The following TOP2B variants were observed in gnomAD, a reference collection of about 807,000 sequenced individuals.
TOP2B encodes the protein DNA topoisomerase II beta.
Under a neutral mutation model 193.5 loss-of-function variants are expected in TOP2B, and 51 were observed. The observed-to-expected ratio is 0.26, with a 90% CI of 0.21 to 0.33. TOP2B has a LOEUF of 0.33. TOP2B is among the 10% of genes least tolerant of loss of function. TOP2B has a pLI of 1.00. For synonymous variants in TOP2B, 634 were observed against 635.7 expected (o/e 1.00, Z 0.04); for missense variants, 1,378 against 1,909.3 (o/e 0.72, Z 5.19).
At chr3:25,653,866 T>C (rs1053215243) in intron 1 of TOP2B, among the ~76,000 whole-genome samples, 1 of 152,198 alleles carries the variant, frequency 6.6e-6, no homozygotes, top group Non-Finnish European at 1.5e-5. Flanking sequence ...CACATTATCA[T>C]CTCAATTGAT....
At chr3:25,653,340 C>T (rs1703649108) in intron 1 of TOP2B, among the ~76,000 whole-genome samples, 2 of 151,982 alleles carry the variant, frequency 1.3e-5, no homozygotes, top group Admixed American at 6.6e-5. Context: ...GAACAATACC[C>T]GTGATAAAGA....
At chr3:25,628,250 T>C (rs1162519068) in intron 15 of TOP2B, among the ~76,000 whole-genome samples, 1 of 146,642 alleles carries the variant, frequency 6.8e-6, no homozygotes, top group Middle Eastern at 3.5e-3. Flanking sequence ...CCAAGGTGGG[T>C]GGATGGCTTG....
chr3:25,630,152 G>T lies in TOP2B; in HGVS notation c.1566C>A (p.Ile522=). The T allele has an allele frequency of 6.5e-7, 1 of 1,544,130 alleles. No individual in the cohort carries two copies. The highest frequency in any genetic ancestry group is 1.2e-5 in the South Asian group (1 of 81,756). ...LNVREASHKQ[I]MENAEINNII... ...TATTATTTATTTCAGCATTTTCCAT[G>T]ATCTGTTCAAAAAGGAAAAGCACTG... Residue 522 remains isoleucine, a splice_region_variant and synonymous_variant, in exon 13 of 36, where the codon ATC becomes ATA. Coordinates refer to ENST00000264331, the MANE Select transcript of TOP2B (RefSeq NM_001330700.2).
intron 15 of TOP2B, among the ~76,000 whole-genome samples, chr3:25,628,150 G>A (rs902001178): frequency 1.3e-5 from 2 of 149,140 alleles, no homozygotes. Context: ...TTTTAACACT[G>A]GCTGGGTATT....
At chr3:25,647,444 A>G (rs1441657941) in intron 1 of TOP2B, among the ~76,000 whole-genome samples, 2 of 152,192 alleles carry the variant, frequency 1.3e-5, no homozygotes, top group Non-Finnish European at 2.9e-5. Flanking sequence ...AATTATTGAC[A>G]TAAAGGTTGA....
At chr3:25,603,635 T>C (rs1354478219) in intron 33 of TOP2B, among the ~76,000 whole-genome samples, 1 of 152,158 alleles carries the variant, frequency 6.6e-6, no homozygotes, top group Admixed American at 6.5e-5. Flanking sequence ...GAGTATGGAT[T>C]CAAGTATAAG....
chr3:25,619,771 A>T, intron 23 of TOP2B, 91 bp downstream of exon 23: 1 of 841,106 alleles, frequency 1.2e-6, no homozygotes, highest in Non-Finnish European at 1.8e-6. Context: ...CTTCAGGCTT[A>T]CTATAGCCAC....
At position 25,623,679 on chromosome 3, in the gene TOP2B, G is replaced by C. The variant is rs1199086075; in HGVS notation, c.2563C>G (p.Gln855Glu). The C allele has an allele frequency of 5.0e-6, 8 of 1,613,578 alleles. No homozygotes were observed. The African/African-American group carries it at 1.1e-4, about 22-fold the overall frequency. Residue 855 changes from glutamine (Q) to glutamate (E), a missense_variant, in exon 21 of 36, where the codon CAA (glutamine) becomes GAA (glutamate). By Grantham distance (29) the Gln-to-Glu change is conservative (BLOSUM62 2). This residue lies in a region of TOP2B where 379 missense variants were observed against 615.1 expected (regional missense o/e 0.62). Transcript: ENST00000264331. ...NLLKFLYDDNQRVEPEWYIPI... is the reference protein window; with the variant it reads ...NLLKFLYDDNERVEPEWYIPI... ...ATATACCACTCAGGCTCTACACGTT[G>C]ATTATCATCATAAAGGAACTTAAGG...
rs375243328 is a variant in TOP2B, at chr3:25,633,897, A to G, written c.970T>C (p.Leu324=). ...ANERWDVCLT[L]SEKGFQQISF... ...ATTTGCTGGAATCCTTTTTCACTCAATGTGAGACAAACATCCCATCTTTCA... is the reference window on the plus strand; with the variant it reads ...ATTTGCTGGAATCCTTTTTCACTCAGTGTGAGACAAACATCCCATCTTTCA... The change falls in exon 8 of 36, where the codon TTG becomes CTG. Residue 324 remains leucine, a synonymous_variant. Coordinates refer to ENST00000264331, the MANE Select transcript of TOP2B (RefSeq NM_001330700.2). The G allele has an allele frequency of 1.8e-5, 29 of 1,613,012 alleles. No homozygotes were observed. The African/African-American group carries it at 3.5e-4, about 19-fold the overall frequency.
rs370334603 is a variant in TOP2B, at chr3:25,601,207, G to A, written c.4508C>T (p.Thr1503Ile). ...TGGGGCTCTCTTGGGCTTAGGGACT[G>A]TATCTGAAGACGGTTTTCCTAGTAA... ...AAKKGKPSSDTVPKPKRAPKQ... is the reference protein window; with the variant it reads ...AAKKGKPSSDIVPKPKRAPKQ... Residue 1503 changes from threonine to isoleucine, a missense_variant, in exon 34 of 36, where the codon ACA (threonine) becomes ATA (isoleucine). This residue lies in a region of TOP2B where 556 missense variants were observed against 584.2 expected (regional missense o/e 0.95). Transcript: ENST00000264331. 3.0e-5 allele frequency: 49 copies of A among 1,613,086 alleles called. No homozygotes were observed. The highest frequency in any genetic ancestry group is 4.2e-5 in the Non-Finnish European group (49 of 1,179,514).
intron 35 of TOP2B, among the ~76,000 whole-genome samples, chr3:25,599,159 G>T (rs768864726): frequency 5.9e-5 from 9 of 152,108 alleles, no homozygotes; most frequent in Admixed American, 2.6e-4. Context: ...ATTTTAGTCT[G>T]AAAGAGTCTA....
chr3:25,625,202 C>A lies in TOP2B; in HGVS notation c.2225-399G>T, dbSNP rs555792440. Among the ~76,000 whole-genome samples the A allele has an allele frequency of 5.9e-4, 90 of 152,202 alleles. 1 individual carries two copies. The Middle Eastern group carries it at 0.01, about 17-fold the overall frequency. On this transcript the variant is annotated intron_variant, in intron 18 of 35. Coordinates refer to ENST00000264331, the MANE Select transcript of TOP2B (RefSeq NM_001330700.2). Reference sequence around the variant, plus strand: ...GGAGCCTGAAATCTATTCTAAGTATCCCACATCAGGAAAACCCTTATAAAA... The same window carrying A: ...GGAGCCTGAAATCTATTCTAAGTATACCACATCAGGAAAACCCTTATAAAA...
At chr3:25,611,098 T>C (rs919358083) in intron 28 of TOP2B, among the ~76,000 whole-genome samples, 1 of 152,184 alleles carries the variant, frequency 6.6e-6, no homozygotes, top group Non-Finnish European at 1.5e-5. Context: ...TTCAAGTGGC[T>C]ATGAGCTTGG....
chr3:25,601,635 T>C (rs1397066926), intron 33 of TOP2B, among the ~76,000 whole-genome samples: 1 of 152,078 alleles, frequency 6.6e-6, no homozygotes, highest in East Asian at 1.9e-4. Flanking sequence ...TTGAGTCGCC[T>C]TAAATAATGA....
At chr3:25,618,327 A>C in intron 25 of TOP2B, 91 bp downstream of exon 25, 1 of 855,392 alleles carries the variant, frequency 1.2e-6, no homozygotes, top group Non-Finnish European at 1.9e-6. Flanking sequence ...CTTTAGTAGT[A>C]CTAAATTTAA....
chr3:25,598,348 C>A lies in TOP2B; in HGVS notation c.4840G>T (p.Asp1614Tyr), dbSNP rs1025788498. Reference protein sequence around the residue: ...RKEVKYFAESDEEEDDVDFAM... With the variant: ...RKEVKYFAESYEEEDDVDFAM... ...AAATCAACATCATCTTCTTCTTCAT[C>A]AGACTCTGCAAAATATTTTACTTCT... The change falls in exon 36 of 36, where the codon GAT (aspartate) becomes TAT (tyrosine). Residue 1614 changes from aspartate (D) to tyrosine (Y), a missense_variant. Asp to Tyr is a radical substitution (Grantham distance 160, BLOSUM62 -3). Transcript: ENST00000264331. 2 of 1,612,552 alleles carry A rather than the reference C, an allele frequency of 1.2e-6. No individual in the cohort carries two copies. The highest frequency in any genetic ancestry group is 1.7e-5 in the Admixed American group (1 of 59,838).
chr3:25,626,880 T>C lies in TOP2B; in HGVS notation c.2017-16A>G. ...TACTAAATGCCTGAAAGATTCCAGG[T>C]AACGATTTTGCACATTAAAAATAAA... On this transcript the variant is annotated splice_polypyrimidine_tract_variant and intron_variant, in intron 16 of 35. Coordinates refer to ENST00000264331, the MANE Select transcript of TOP2B (RefSeq NM_001330700.2). 1.3e-6 allele frequency: 2 copies of C among 1,492,398 alleles called. No individual in the cohort carries two copies. Among genetic ancestry groups the C allele is most frequent in the Non-Finnish European group, 1.8e-6 (2 of 1,090,004 alleles). The allele number at this position is 1,492,398 out of a possible 1,614,324, so 92.4% of individuals were successfully genotyped here.
At chr3:25,598,935 T>A (rs113012643) in intron 35 of TOP2B, among the ~76,000 whole-genome samples, 4 of 152,022 alleles carry the variant, frequency 2.6e-5, no homozygotes, top group African/African-American at 9.7e-5. Flanking sequence ...GATGACTGAA[T>A]GGAAGAGGTC....
chr3:25,630,523 G>A (rs1473376225), intron 11 of TOP2B, 54 bp from the exon 12 acceptor site: 2 of 1,389,980 alleles, frequency 1.4e-6, no homozygotes, highest in Non-Finnish European at 1.9e-6. Context: ...TTTCACTGAT[G>A]AGAAAAATGA....
Sources: gnomAD v4.1 joint callset for allele counts (sites outside exome capture counted in the v4.1 genomes callset) on GRCh38, gnomAD v4.1.1 for gene constraint, gnomAD v4.1.1 regional missense constraint, MANE v1.5 for transcripts, NCBI Gene and HGNC (gene_info 2026-07-23, HGNC 2026-07-21) for gene names.